MACROD2: variants seen among roughly 807,000 people sequenced by gnomAD.
MACROD2 encodes the protein mono-ADP ribosylhydrolase 2, also known as ADP-ribose glycohydrolase MACROD2.
In MACROD2, 36 loss-of-function variants were observed where a neutral mutation model predicts 70.4. The observed-to-expected ratio is 0.51, with a 90% CI of 0.39 to 0.68. The LOEUF (loss-of-function observed/expected upper bound fraction) is 0.68. MACROD2 is among the 30% of genes least tolerant of loss of function. The pLI, the probability that MACROD2 is intolerant of heterozygous loss-of-function variation, is 0.00. For synonymous variants in MACROD2, 172 were observed against 178.8 expected (o/e 0.96, Z 0.30); for missense variants, 496 against 538.4 (o/e 0.92, Z 0.78).
intron 7 of MACROD2, among the ~76,000 whole-genome samples, chr20:15,479,710 C>T (rs1256970907): frequency 1.3e-5 from 2 of 152,154 alleles, no homozygotes; most frequent in East Asian, 1.9e-4. Context: ...GCCTTCAAAA[C>T]ATATTTACGA....
At chr20:15,654,243 T>A (rs920592391) in intron 8 of MACROD2, among the ~76,000 whole-genome samples, 1 of 152,108 alleles carries the variant, frequency 6.6e-6, no homozygotes, top group Admixed American at 6.6e-5. Flanking sequence ...ATCAGAGAAG[T>A]TTCACTTCTA....
chr20:15,194,177 C>A (rs2076589953), intron 5 of MACROD2, among the ~76,000 whole-genome samples: 1 of 127,378 alleles, frequency 7.9e-6, no homozygotes, highest in Admixed American at 1.0e-4. Context: ...ACCCAGGAGG[C>A]AGAGGTTACA....
intron 5 of MACROD2, among the ~76,000 whole-genome samples, chr20:15,180,633 C>G (rs1000050288): frequency 6.6e-6 from 1 of 152,188 alleles, no homozygotes; most frequent in Non-Finnish European, 1.5e-5. Flanking sequence ...AATTACCCAG[C>G]TTTTCTCTTC....
At chr20:14,703,167 AT>A (rs1192449473) in intron 5 of MACROD2, among the ~76,000 whole-genome samples, 1 of 151,968 alleles carries the variant, frequency 6.6e-6, no homozygotes. Context: ...TGTTTCCAAT[AT>A]TTTCCTGTTA....
At chr20:15,886,252 T>G (rs1172405768) in intron 10 of MACROD2, among the ~76,000 whole-genome samples, 2 of 152,174 alleles carry the variant, frequency 1.3e-5, no homozygotes, top group Non-Finnish European at 2.9e-5. Context: ...TGATCTCAAC[T>G]GTCAGCTAAA....
intron 8 of MACROD2, among the ~76,000 whole-genome samples, chr20:15,776,080 A>G (rs959587380): frequency 6.6e-5 from 10 of 152,132 alleles, no homozygotes; most frequent in Non-Finnish European, 1.2e-4. Flanking sequence ...AACAAAATGA[A>G]GTTTTTGGCA....
intron 3 of MACROD2, among the ~76,000 whole-genome samples, chr20:14,433,916 A>T (rs2084025957): frequency 6.6e-6 from 1 of 152,162 alleles, no homozygotes; most frequent in Non-Finnish European, 1.5e-5. Context: ...ACTTGCATAC[A>T]TAGTTAGTGT....
chr20:15,903,837 G>A (rs995669961), intron 10 of MACROD2, among the ~76,000 whole-genome samples: 1 of 152,210 alleles, frequency 6.6e-6, no homozygotes, highest in Non-Finnish European at 1.5e-5. Flanking sequence ...GTTTATTGGA[G>A]CAAGGGATAC....
chr20:14,682,462 CAT>C (rs199692323), intron 4 of MACROD2, among the ~76,000 whole-genome samples: 64 of 150,504 alleles, frequency 4.3e-4, no homozygotes, highest in African/African-American at 1.1e-3. Flanking sequence ...TATTACATTA[CAT>C]ATATATATCC....
At chr20:15,583,440 A>G (rs1027651386) in intron 8 of MACROD2, among the ~76,000 whole-genome samples, 2 of 152,176 alleles carry the variant, frequency 1.3e-5, no homozygotes, top group Non-Finnish European at 2.9e-5. Flanking sequence ...GGGGAATGCA[A>G]TCCTGCTTCA....
intron 4 of MACROD2, among the ~76,000 whole-genome samples, chr20:14,599,308 G>A (rs1013935431): frequency 6.6e-6 from 1 of 152,106 alleles, no homozygotes; most frequent in Non-Finnish European, 1.5e-5. Context: ...TTGAGGACAG[G>A]AGTGATGAGG....
At chr20:15,886,996 A>G (rs1262994275) in intron 10 of MACROD2, among the ~76,000 whole-genome samples, 3 of 152,114 alleles carry the variant, frequency 2.0e-5, no homozygotes, top group Non-Finnish European at 1.5e-5. Flanking sequence ...TGGCAGTCAC[A>G]GTGTTCTGAC....
chr20:15,326,685 A>G (rs1035649728), intron 6 of MACROD2, among the ~76,000 whole-genome samples: 2 of 152,136 alleles, frequency 1.3e-5, no homozygotes, highest in African/African-American at 4.8e-5. Context: ...GGCTCTAAGA[A>G]AAAAAGCAAG....
At chr20:14,193,218 C>G (rs928959105) in intron 3 of MACROD2, among the ~76,000 whole-genome samples, 8 of 152,190 alleles carry the variant, frequency 5.3e-5, no homozygotes, top group Non-Finnish European at 5.9e-5. Context: ...GCTAGGATTA[C>G]ATTGATGAAC....
intron 5 of MACROD2, among the ~76,000 whole-genome samples, chr20:14,789,125 T>C (rs542813085): frequency 7.9e-5 from 12 of 152,152 alleles, no homozygotes; most frequent in African/African-American, 2.2e-4. Context: ...TTAAGGATTC[T>C]ATTTTAGACT....
chr20:15,198,476 T>A (rs1232625894), intron 5 of MACROD2, among the ~76,000 whole-genome samples: 2 of 152,210 alleles, frequency 1.3e-5, no homozygotes, highest in African/African-American at 4.8e-5. Flanking sequence ...CATTTGACAC[T>A]TGGCATTTTT....
At chr20:14,348,495 T>C (rs1022066657) in intron 3 of MACROD2, among the ~76,000 whole-genome samples, 5 of 151,920 alleles carry the variant, frequency 3.3e-5, no homozygotes, top group African/African-American at 4.8e-5. Flanking sequence ...ATTTGGCTCC[T>C]CTGAACCTTA....
chr20:14,493,485 C>G lies in MACROD2; in HGVS notation c.278C>G (p.Ala93Gly). 1 of 1,608,344 alleles carries G rather than the reference C, an allele frequency of 6.2e-7. No individual in the cohort carries two copies. The highest frequency in any genetic ancestry group is 8.5e-7 in the Non-Finnish European group (1 of 1,176,150). ...TGTGTTTTGTTTTAAACAGCAAATG[C>G]CAGTCTTCTTGGAGGAGGAGGTGGT... ...EVDAIVNAANASLLGGGGVDG... is the reference protein window; with the variant it reads ...EVDAIVNAANGSLLGGGGVDG... Residue 93 changes from alanine to glycine, a missense_variant, in exon 4 of 18, where the codon GCC becomes GGC. Ala to Gly is a moderately conservative substitution (Grantham distance 60, BLOSUM62 0). Coordinates refer to ENST00000684519, the MANE Select transcript of MACROD2 (RefSeq NM_001351661.2).
intron 5 of MACROD2, among the ~76,000 whole-genome samples, chr20:15,126,427 G>C (rs1470491850): frequency 6.6e-6 from 1 of 151,854 alleles, no homozygotes; most frequent in Non-Finnish European, 1.5e-5. Flanking sequence ...TTTAGAAAGA[G>C]TGAACAACTT....
Sources: gnomAD v4.1 joint callset for allele counts (sites outside exome capture counted in the v4.1 genomes callset) on GRCh38, gnomAD v4.1.1 for gene constraint, MANE v1.5 for transcripts, NCBI Gene and HGNC (gene_info 2026-07-23, HGNC 2026-07-21) for gene names.